The following ZBTB11 variants were observed in gnomAD, a reference collection of about 807,000 sequenced individuals.
The protein encoded by ZBTB11 is zinc finger and BTB domain containing 11, also known as zinc finger and BTB domain-containing protein 11.
Under a neutral mutation model 113.1 loss-of-function variants are expected in ZBTB11, and 68 were observed. That is an observed-to-expected ratio of 0.60 (90% CI 0.49 to 0.74). ZBTB11 has a LOEUF of 0.74. ZBTB11 is among the 30% of genes least tolerant of loss of function. The pLI, the probability that ZBTB11 is intolerant of heterozygous loss-of-function variation, is 0.00. For synonymous variants in ZBTB11, 518 were observed against 452.6 expected (o/e 1.14, Z -1.83); for missense variants, 1,104 against 1,279.4 (o/e 0.86, Z 2.09).
At chr3:101,669,595 TA>T (rs1474545528) in intron 3 of ZBTB11, among the ~76,000 whole-genome samples, 2 of 152,050 alleles carry the variant, frequency 1.3e-5, no homozygotes, top group African/African-American at 4.8e-5. Flanking sequence ...AAAGCAAACA[TA>T]TCAAAAGAAT....
intron 1 of ZBTB11, chr3:101,676,394 C>T (rs1386012328): frequency 2.0e-6 from 1 of 499,204 alleles, no homozygotes; most frequent in Non-Finnish European, 3.3e-6. Flanking sequence ...CCACCCAGGG[C>T]CAGGGCCCGC....
intron 3 of ZBTB11, among the ~76,000 whole-genome samples, chr3:101,668,645 G>A (rs1048061310): frequency 2.0e-5 from 3 of 148,434 alleles, no homozygotes; most frequent in East Asian, 2.0e-4. Context: ...AGGGCTGAAA[G>A]AATTTTGAAT....
chr3:101,651,894 G>A (rs983111593), intron 10 of ZBTB11, among the ~76,000 whole-genome samples: 1 of 152,100 alleles, frequency 6.6e-6, no homozygotes, highest in Non-Finnish European at 1.5e-5. Flanking sequence ...AGCACTTTGG[G>A]AGGCCAAGGC....
At chr3:101,657,288 C>CT (rs1425462071) in intron 6 of ZBTB11, among the ~76,000 whole-genome samples, 1 of 151,484 alleles carries the variant, frequency 6.6e-6, no homozygotes, top group African/African-American at 2.4e-5. Flanking sequence ...GTTGGATTGT[C>CT]TGAGCTCAGG....
Position 101,672,098 on chromosome 3 carries a change from G to C in ZBTB11, c.426C>G (p.Asp142Glu), listed in dbSNP as rs781247433. ...CATTACTTTCTTCTCCAGATTCAAG[G>C]TCTAGTCCCAATTCTTCCAACATTT... ...VSEMLEELGL[D>E]LESGEESNES... Residue 142 changes from aspartate (D) to glutamate (E), a missense_variant, in exon 2 of 11, where the codon GAC becomes GAG. Asp to Glu is a conservative substitution (Grantham distance 45, BLOSUM62 2). This residue lies in a region of ZBTB11 where 245 missense variants were observed against 272.5 expected (regional missense o/e 0.90). Coordinates refer to ENST00000312938, the MANE Select transcript of ZBTB11 (RefSeq NM_014415.4). 5.0e-6 allele frequency: 8 copies of C among 1,614,116 alleles called. No homozygotes were observed. In the South Asian group the frequency reaches 8.8e-5, roughly 18 times the overall value.
At chr3:101,672,547 T>A (rs528905966) in intron 1 of ZBTB11, among the ~76,000 whole-genome samples, 1 of 152,298 alleles carries the variant, frequency 6.6e-6, no homozygotes, top group African/African-American at 2.4e-5. Flanking sequence ...TTCACCTTTT[T>A]TTGACCTACA....
chr3:101,656,117 C>A lies in ZBTB11; in HGVS notation c.2178G>T (p.Met726Ile). ...FVTKRSLQEHMSIHTGESKYL... is the reference protein window; with the variant it reads ...FVTKRSLQEHISIHTGESKYL... ...ATTTCTCATTACCTGTGTGAATACT[C>A]ATATGTTCTTGAAGACTCCGTTTGG... Residue 726 changes from methionine to isoleucine, a missense_variant, in exon 7 of 11, where the codon ATG becomes ATT. Coordinates refer to ENST00000312938, the MANE Select transcript of ZBTB11 (RefSeq NM_014415.4). 1 of 1,577,804 alleles carries A rather than the reference C, an allele frequency of 6.3e-7. No homozygotes were observed. Among genetic ancestry groups the A allele is most frequent in the South Asian group, 1.2e-5 (1 of 85,364 alleles).
chr3:101,665,089 C>G lies in ZBTB11; in HGVS notation c.1498G>C (p.Asp500His). 1 of 1,614,134 alleles carries G rather than the reference C, an allele frequency of 6.2e-7. No individual in the cohort carries two copies. The highest frequency in any genetic ancestry group is 8.5e-7 in the Non-Finnish European group (1 of 1,180,022). ...CGAAGCCTGCTTCTATAAGTATCAT[C>G]ATCAGGGCCAAAGTCTGTCTTTGCT... ...STAKTDFGPD[D>H]DTYRSRLRQR... The change falls in exon 4 of 11, where the codon GAT (aspartate) becomes CAT (histidine). Residue 500 changes from aspartate to histidine, a missense_variant. Coordinates refer to ENST00000312938, the MANE Select transcript of ZBTB11 (RefSeq NM_014415.4).
intron 3 of ZBTB11, 142 bp from the exon 4 acceptor site, chr3:101,665,950 C>G (rs192929062): frequency 1.1e-6 from 1 of 893,036 alleles, no homozygotes; most frequent in East Asian, 2.7e-5. Flanking sequence ...GCATTTTGTT[C>G]TGGTTTCTTA....
chr3:101,655,023 A>T (rs1936771671), intron 7 of ZBTB11, among the ~76,000 whole-genome samples: 1 of 151,974 alleles, frequency 6.6e-6, no homozygotes, highest in African/African-American at 2.4e-5. Flanking sequence ...GACTATAGGC[A>T]CGTGCCACCA....
At chr3:101,661,129 G>T (rs1936879553) in intron 5 of ZBTB11, among the ~76,000 whole-genome samples, 1 of 151,864 alleles carries the variant, frequency 6.6e-6, no homozygotes, top group Non-Finnish European at 1.5e-5. Flanking sequence ...AGCTATTTGG[G>T]AGGCTAAGAC....
chr3:101,651,519 G>C lies in ZBTB11; in HGVS notation c.2809C>G (p.His937Asp). The part of the protein sequence containing the change: ...RTLRKHMTKF[H>D]RDYVPCKIML... ...ATTTTGCAAGGCACATAGTCTCTGT[G>C]GAATTTAGTCATATGTTTACGGAGT... is the stretch of plus-strand genomic sequence containing the variant. The change falls in exon 11 of 11, where the codon CAC becomes GAC. Residue 937 changes from histidine (H) to aspartate (D), a missense_variant. Around this residue, in one of 5 missense-constraint regions of ZBTB11, gnomAD observed 148 missense variants for 259.3 expected, o/e 0.57. Transcript: ENST00000312938. 6.2e-7 allele frequency: 1 copy of C among 1,614,146 alleles called. No homozygotes were observed. The highest frequency in any genetic ancestry group is 8.5e-7 in the Non-Finnish European group (1 of 1,180,038).
chr3:101,651,477 T>G lies in ZBTB11; in HGVS notation c.2851A>C (p.Thr951Pro). Residue 951 changes from threonine (T) to proline (P), a missense_variant, in exon 11 of 11, where the codon ACC (threonine) becomes CCC (proline). Physicochemically the swap from Thr to Pro is conservative, Grantham distance 38 (BLOSUM62 -1). Coordinates refer to ENST00000312938, the MANE Select transcript of ZBTB11 (RefSeq NM_014415.4). ...VPCKIMLEKD[T>P]LQFHNQGTQV... ...GTTCCTTGGTTATGAAACTGAAGGG[T>G]GTCTTTTTCCAGCATAATTTTGCAA... 6.2e-7 allele frequency: 1 copy of G among 1,614,060 alleles called. No homozygotes were observed. Among genetic ancestry groups the G allele is most frequent in the Non-Finnish European group, 8.5e-7 (1 of 1,179,996 alleles).
At position 101,650,726 on chromosome 3, in the gene ZBTB11, C is replaced by T. The variant is rs1282915316; in HGVS notation, c.*440G>A. ...TAGAATTTTCTTTTTAATCCATAAA[C>T]AGGGCAAATAAATCACAGAATCTCT... On this transcript the variant is annotated 3_prime_UTR_variant, in exon 11 of 11. Transcript: ENST00000312938. 1 of 153,004 alleles carries T rather than the reference C, an allele frequency of 6.5e-6. No individual in the cohort carries two copies. The highest frequency in any genetic ancestry group is 1.5e-5 in the Non-Finnish European group (1 of 68,528). The allele number at this position is 153,004 out of a possible 1,614,324, so 9.5% of individuals were successfully genotyped here. A position where few individuals can be genotyped will look rare whatever the true frequency, so the allele number is the denominator to read the frequency against.
chr3:101,670,969 C>G (rs1053894496), intron 3 of ZBTB11, 161 bp downstream of exon 3: 1 of 592,634 alleles, frequency 1.7e-6, no homozygotes, highest in Non-Finnish European at 3.0e-6. Flanking sequence ...AACTCTACCA[C>G]AGAAATCTTG....
At position 101,677,122 on chromosome 3, in the gene ZBTB11, C is replaced by T. The variant is rs552776139; in HGVS notation, c.-208G>A. On this transcript the variant is annotated 5_prime_UTR_variant, in exon 1 of 11. Coordinates refer to ENST00000312938, the MANE Select transcript of ZBTB11 (RefSeq NM_014415.4). ...CTGCACTTCTCCAGCGCGCGGGATC[C>T]GCTGGCGACTGACAAAATGGCTGCT... The T allele has an allele frequency of 2.3e-5, 13 of 554,680 alleles. No individual in the cohort carries two copies. The highest frequency in any genetic ancestry group is 2.3e-4 in the Admixed American group (6 of 26,100). The allele number at this position is 554,680 out of a possible 1,614,324, so 34.4% of individuals were successfully genotyped here. A position where few individuals can be genotyped will look rare whatever the true frequency, so the allele number is the denominator to read the frequency against.
At chr3:101,674,661 T>C (rs973911653) in intron 1 of ZBTB11, among the ~76,000 whole-genome samples, 14 of 152,142 alleles carry the variant, frequency 9.2e-5, no homozygotes, top group Admixed American at 2.0e-4. Context: ...ATCGCGCCAC[T>C]GCACTCCAGC....
intron 5 of ZBTB11, among the ~76,000 whole-genome samples, chr3:101,663,184 C>T (rs1258865038): frequency 2.0e-5 from 3 of 151,924 alleles, no homozygotes; most frequent in Non-Finnish European, 4.4e-5. Context: ...GTGATCTGCC[C>T]GCCTCAGCCT....
At chr3:101,660,155 A>T in intron 5 of ZBTB11, 127 bp from the exon 6 acceptor site, 5 of 908,760 alleles carry the variant, frequency 5.5e-6, no homozygotes, top group Non-Finnish European at 8.2e-6. Flanking sequence ...TGTAAAAAAC[A>T]ATAGGTACTA....
Sources: gnomAD v4.1 joint callset for allele counts (sites outside exome capture counted in the v4.1 genomes callset) on GRCh38, gnomAD v4.1.1 for gene constraint, gnomAD v4.1.1 regional missense constraint, MANE v1.5 for transcripts, NCBI Gene and HGNC (gene_info 2026-07-23, HGNC 2026-07-21) for gene names.